Variants in ASPM observed in about 807,000 individuals in gnomAD.
ASPM encodes the protein abnormal spindle-like microcephaly-associated protein.
ASPM carries 256 observed loss-of-function variants against 366.4 expected under a neutral mutation model. That is an observed-to-expected ratio of 0.70 (90% CI 0.63 to 0.77). The LOEUF is 0.77. Ranked by LOEUF, ASPM falls within the 30% of genes least tolerant of loss-of-function variation. The pLI, the probability that ASPM is intolerant of heterozygous loss-of-function variation, is 0.00. For synonymous variants in ASPM, 1,414 were observed against 1,342.9 expected (o/e 1.05, Z -1.16); for missense variants, 4,146 against 4,090.4 (o/e 1.01, Z -0.37).
chr1:197,125,548 T>C (rs1012827823), intron 10 of ASPM, among the ~76,000 whole-genome samples: 5 of 152,136 alleles, frequency 3.3e-5, no homozygotes, highest in African/African-American at 1.2e-4. Context: ...ATGTACTATA[T>C]TGTACACATC....
At chr1:197,122,732 T>G (rs1409148727) in intron 13 of ASPM, 137 bp from the exon 14 acceptor site, 2 of 831,298 alleles carry the variant, frequency 2.4e-6, no homozygotes, top group Non-Finnish European at 4.0e-6. Flanking sequence ...CAAGTTTGAC[T>G]GGTAAACTCT....
At position 197,093,159 on chromosome 1, in the gene ASPM, T is replaced by A. The variant is rs1406859691; in HGVS notation, c.9187A>T (p.Ile3063Leu). The change falls in exon 21 of 28, where the codon ATA (isoleucine) becomes TTA (leucine). Residue 3063 changes from isoleucine to leucine, a missense_variant. By Grantham distance (5) the Ile-to-Leu change is conservative (BLOSUM62 2). Around this residue, in one of 3 missense-constraint regions of ASPM, gnomAD observed 3,624 missense variants for 3,591.7 expected, o/e 1.01. Transcript: ENST00000367409. ...KSAALIIQKY[I>L]RAREAGKHER... Reference sequence around the variant, plus strand: ...TGCTTTCCAGCCTCCCTGGCTCGTATATATTTTTGTATGATCAAAGCAGCA... The same window carrying A: ...TGCTTTCCAGCCTCCCTGGCTCGTAAATATTTTTGTATGATCAAAGCAGCA... 6.2e-7 allele frequency: 1 copy of A among 1,612,472 alleles called. No individual in the cohort carries two copies. The highest frequency in any genetic ancestry group is 1.3e-5 in the African/African-American group (1 of 74,968).
Position 197,106,274 on chromosome 1 carries a change from T to C in ASPM, c.4066-1089A>G, listed in dbSNP as rs79144488. 3.3e-4 allele frequency among the ~76,000 whole-genome samples: 50 copies of C among 152,190 alleles called. No homozygotes were observed. In the East Asian group the frequency reaches 9.1e-3, roughly 28 times the overall value. ...TACTCTTCAACCTGACAGGAAATGATTGTATACATTTTATCTTACCAAGAA... is the reference window on the plus strand; with the variant it reads ...TACTCTTCAACCTGACAGGAAATGACTGTATACATTTTATCTTACCAAGAA... On this transcript the variant is annotated intron_variant, in intron 17 of 27. Coordinates refer to ENST00000367409, the MANE Select transcript of ASPM (RefSeq NM_018136.5).
intron 10 of ASPM, among the ~76,000 whole-genome samples, chr1:197,127,934 G>C (rs1658137148): frequency 6.6e-6 from 1 of 152,128 alleles, no homozygotes; most frequent in Non-Finnish European, 1.5e-5. Flanking sequence ...GGGAGGCCGA[G>C]GCAGGCGGAT....
chr1:197,101,072 T>C lies in ASPM; in HGVS notation c.8179A>G (p.Arg2727Gly), dbSNP rs201159574. ...VIQNYYRLYV[R>G]VKTERKNFLA... Reference sequence around the variant, plus strand: ...AAGTTTTTTCTTTCTGTTTTTACTCTAACATACAACCTATAATAATTCTGT... The same window carrying C: ...AAGTTTTTTCTTTCTGTTTTTACTCCAACATACAACCTATAATAATTCTGT... Residue 2727 changes from arginine (R) to glycine (G), a missense_variant, in exon 18 of 28, where the codon AGA (arginine) becomes GGA (glycine). By Grantham distance (125) the Arg-to-Gly change is moderately radical. This residue lies in a region of ASPM where 3,624 missense variants were observed against 3,591.7 expected (regional missense o/e 1.01). Transcript: ENST00000367409. 2.8e-5 allele frequency: 45 copies of C among 1,611,658 alleles called. No individual in the cohort carries two copies. The highest frequency in any genetic ancestry group is 4.0e-5 in the African/African-American group (3 of 74,860).
chr1:197,092,676 A>C (rs1293801802), intron 21 of ASPM, among the ~76,000 whole-genome samples: 1 of 152,014 alleles, frequency 6.6e-6, no homozygotes, highest in Non-Finnish European at 1.5e-5. Context: ...GGAAGCTGTC[A>C]CAGGAATGCT....
In ASPM at chr1:197,102,061, C is replaced by T. The variant is rs1434122517; in HGVS notation, c.7190G>A (p.Gly2397Asp). Residue 2397 changes from glycine (G) to aspartate (D), a missense_variant, in exon 18 of 28, where the codon GGT becomes GAT. Gly to Asp is a moderately conservative substitution (Grantham distance 94, BLOSUM62 -1). Around this residue, in one of 3 missense-constraint regions of ASPM, gnomAD observed 3,624 missense variants for 3,591.7 expected, o/e 1.01. Transcript: ENST00000367409. ...SAVILQAAFR[G>D]MKTRRHLKSM... Reference sequence around the variant, plus strand: ...CTTCAAATGTCTTCTAGTTTTCATACCCCTGAATGCAGCCTGAAGGATCAC... The same window carrying T: ...CTTCAAATGTCTTCTAGTTTTCATATCCCTGAATGCAGCCTGAAGGATCAC... The T allele has an allele frequency of 1.2e-6, 2 of 1,612,816 alleles. No homozygotes were observed. The highest frequency in any genetic ancestry group is 8.5e-7 in the Non-Finnish European group (1 of 1,179,288).
Position 197,104,499 on chromosome 1 carries a change from C to A in ASPM, c.4752G>T (p.Lys1584Asn), listed in dbSNP as rs767518535. The stretch of plus-strand genomic sequence containing the variant: ...CATGTGCCTGAAATTTGATAATAGT[C>A]TTCTTAAGGTTTAAAAATCGAACTC... ...QDRVRFLNLK[K>N]TIIKFQAHVR... The change falls in exon 18 of 28, where the codon AAG (lysine) becomes AAT (asparagine). Residue 1584 changes from lysine to asparagine, a missense_variant. Coordinates refer to ENST00000367409, the MANE Select transcript of ASPM (RefSeq NM_018136.5). The A allele has an allele frequency of 6.2e-7, 1 of 1,612,606 alleles. No individual in the cohort carries two copies. The highest frequency in any genetic ancestry group is 1.7e-5 in the Admixed American group (1 of 59,748).
chr1:197,103,665 C>T lies in ASPM; in HGVS notation c.5586G>A (p.Lys1862=). 6.2e-7 allele frequency: 1 copy of T among 1,612,834 alleles called. No individual in the cohort carries two copies. The change falls in exon 18 of 28, where the codon AAG becomes AAA. Residue 1862 remains lysine (K), a synonymous_variant. Transcript: ENST00000367409. ...IKIQRWYRAY[K]TLHDTRTHFL... Reference sequence around the variant, plus strand: ...AATGTGTTCTTGTATCATGAAGAGTCTTGTACGCCCTGTACCATCTCTGAA... The same window carrying T: ...AATGTGTTCTTGTATCATGAAGAGTTTTGTACGCCCTGTACCATCTCTGAA...
At chr1:197,093,561 C>T (rs1656858679) in intron 20 of ASPM, among the ~76,000 whole-genome samples, 1 of 151,806 alleles carries the variant, frequency 6.6e-6, no homozygotes, top group Non-Finnish European at 1.5e-5. Context: ...AGGACAAATA[C>T]ATTTAATAAA....
chr1:197,084,462 AG>A, intron 27 of ASPM, 36 bp from the exon 28 acceptor site: 1 of 1,442,832 alleles, frequency 6.9e-7, no homozygotes, highest in Non-Finnish European at 9.7e-7. Flanking sequence ...GCATTAATAA[AG>A]TTCTTCTCTT....
At chr1:197,134,218 C>T (rs1442509393) in intron 5 of ASPM, among the ~76,000 whole-genome samples, 3 of 148,600 alleles carry the variant, frequency 2.0e-5, no homozygotes, top group Non-Finnish European at 4.5e-5. Context: ...GGCAACATAG[C>T]AAGAACTCTT....
At chr1:197,117,442 C>T (rs1160778798) in intron 17 of ASPM, among the ~76,000 whole-genome samples, 1 of 151,818 alleles carries the variant, frequency 6.6e-6, no homozygotes, top group African/African-American at 2.4e-5. Flanking sequence ...GAGAAGTTTC[C>T]AGGACTCAAA....
chr1:197,143,245 G>T lies in ASPM; in HGVS notation c.1007C>A (p.Thr336Lys), dbSNP rs112113370. ...CATAAACATATCTGATGAAAGACAT[G>T]TTACTAATTCTAGTTCATTATTAGC... ...HGANNELELV[T>K]CLSSDMFMKD... The change falls in exon 3 of 28, where the codon ACA (threonine) becomes AAA (lysine). Residue 336 changes from threonine to lysine, a missense_variant. This residue lies in a region of ASPM where 512 missense variants were observed against 471.7 expected (regional missense o/e 1.09). Transcript: ENST00000367409. 5.9e-4 allele frequency: 953 copies of T among 1,612,252 alleles called. 10 individuals carry two copies. The East Asian group carries it at 0.018, about 30-fold the overall frequency.
Position 197,104,541 on chromosome 1 carries a change from C to T in ASPM, c.4710G>A (p.Trp1570Ter). The T allele has an allele frequency of 6.2e-7, 1 of 1,612,722 alleles. No individual in the cohort carries two copies. Among genetic ancestry groups the T allele is most frequent in the Non-Finnish European group, 8.5e-7 (1 of 1,179,382 alleles). Residue 1570 changes from tryptophan to a stop codon, truncating the protein, a stop_gained, in exon 18 of 28, where the codon TGG becomes TGA. Coordinates refer to ENST00000367409, the MANE Select transcript of ASPM (RefSeq NM_018136.5). LOFTEE classifies it high-confidence loss of function. ...IRAACVIQSY[W>*]RMRQDRVRFL... Reference sequence around the variant, plus strand: ...ATCGAACTCTGTCTTGTCTCATTCTCCAGTATGACTGAATAACACAAGCAG... The same window carrying T: ...ATCGAACTCTGTCTTGTCTCATTCTTCAGTATGACTGAATAACACAAGCAG...
intron 20 of ASPM, 35 bp downstream of exon 20, chr1:197,094,049 A>G (rs1346458190): frequency 1.7e-6 from 2 of 1,187,944 alleles, no homozygotes; most frequent in Non-Finnish European, 2.5e-6. Context: ...TTCCTAAAGT[A>G]GTTATTTGCA....
rs750759285 is a variant in ASPM, at chr1:197,102,456, G to A, written c.6795C>T (p.Ala2265=). ...ARRHLKMMHI[A]ATLIQRRFRT... ...TAAATCTCCTCTGAATGAGAGTTGC[G>A]GCTATATGCATCATTTTTAAATGTC... Residue 2265 remains alanine, a synonymous_variant, in exon 18 of 28, where the codon GCC becomes GCT. Coordinates refer to ENST00000367409, the MANE Select transcript of ASPM (RefSeq NM_018136.5). 2.8e-5 allele frequency: 45 copies of A among 1,612,088 alleles called. 1 individual carries two copies. Among genetic ancestry groups the A allele is most frequent in the South Asian group, 1.9e-4 (17 of 91,032 alleles).
chr1:197,089,257 A>C (rs1402193540), intron 25 of ASPM, among the ~76,000 whole-genome samples: 5 of 152,000 alleles, frequency 3.3e-5, no homozygotes, highest in Non-Finnish European at 7.4e-5. Context: ...AAGCGCTTTA[A>C]GTTGTCACTG....
chr1:197,088,358 GTA>G lies in ASPM; in HGVS notation c.10057_10058del (p.Tyr3353ProfsTer6). ...IDILLELLQI[Y>X]REKPGNKVAD... ...CAACTTTATTACCAGGCTTTTCTCG[GTA>G]TATCTGCAAAAGCTCCAATAGTATA... is the stretch of plus-strand genomic sequence containing the variant. On this transcript the variant is annotated frameshift_variant, in exon 26 of 28. Transcript: ENST00000367409. LOFTEE classifies it high-confidence loss of function. 6.2e-7 allele frequency: 1 copy of G among 1,612,388 alleles called. No individual in the cohort carries two copies. The highest frequency in any genetic ancestry group is 8.5e-7 in the Non-Finnish European group (1 of 1,178,918).
Sources: allele counts gnomAD v4.1 joint callset (sites outside exome capture counted in the v4.1 genomes callset), GRCh38; gene constraint gnomAD v4.1.1; regional missense constraint gnomAD v4.1.1; transcripts MANE v1.5; gene names NCBI Gene and HGNC (gene_info 2026-07-23, HGNC 2026-07-21).